RABGAP1L: variants seen among roughly 807,000 people sequenced by gnomAD.
RABGAP1L encodes the protein RAB GTPase activating protein 1 like.
A neutral mutation model predicts 137.7 loss-of-function variants in RABGAP1L; 63 were observed. The ratio of observed to expected loss-of-function variants is 0.46; its 90% CI spans 0.37 to 0.56. The LOEUF is 0.56. Among genes scored for constraint, RABGAP1L ranks in the 20% least tolerant of loss-of-function variants. The pLI is 0.00. For missense variants in RABGAP1L, 1,095 were observed against 1,244.0 expected (o/e 0.88, Z 1.80); for synonymous variants, 431 against 433.7 (o/e 0.99, Z 0.08).
intron 19 of RABGAP1L, among the ~76,000 whole-genome samples, chr1:174,868,029 G>A (rs1167191545): frequency 6.6e-6 from 1 of 151,834 alleles, no homozygotes; most frequent in African/African-American, 2.4e-5. Context: ...GCAGTGGCAC[G>A]ATCTCTGCTC....
chr1:174,857,443 C>G (rs1293851440), intron 19 of RABGAP1L, among the ~76,000 whole-genome samples: 1 of 151,968 alleles, frequency 6.6e-6, no homozygotes, highest in Non-Finnish European at 1.5e-5. Flanking sequence ...TTTCATTTCC[C>G]CAGCTGTAAA....
At chr1:174,333,321 A>G (rs1358770041) in intron 11 of RABGAP1L, among the ~76,000 whole-genome samples, 1 of 152,198 alleles carries the variant, frequency 6.6e-6, no homozygotes, top group Non-Finnish European at 1.5e-5. Flanking sequence ...AGGATTTTGA[A>G]TGCTTTCCCA....
At chr1:174,357,118 TCAC>T (rs1173963411) in intron 11 of RABGAP1L, among the ~76,000 whole-genome samples, 2 of 152,130 alleles carry the variant, frequency 1.3e-5, no homozygotes, top group African/African-American at 4.8e-5. Flanking sequence ...AAAGGAGACT[TCAC>T]CAAATTCTGC....
intron 1 of RABGAP1L, among the ~76,000 whole-genome samples, chr1:174,170,977 A>G (rs1295088538): frequency 6.6e-6 from 1 of 152,242 alleles, no homozygotes; most frequent in African/African-American, 2.4e-5. Flanking sequence ...AGTTGAACAG[A>G]TGAATATTTG....
intron 17 of RABGAP1L, among the ~76,000 whole-genome samples, chr1:174,727,881 G>T (rs2148612392): frequency 6.6e-6 from 1 of 152,154 alleles, no homozygotes; most frequent in South Asian, 2.1e-4. Flanking sequence ...TCTTTTTTGG[G>T]TAATCTCATG....
At chr1:174,350,022 C>T (rs1682962627) in intron 11 of RABGAP1L, among the ~76,000 whole-genome samples, 1 of 120,410 alleles carries the variant, frequency 8.3e-6, no homozygotes, top group Admixed American at 7.6e-5. Context: ...TCCTCACTTC[C>T]CAGTAGGGGC....
At chr1:174,305,732 T>TC (rs1461930027) in intron 11 of RABGAP1L, among the ~76,000 whole-genome samples, 4 of 151,966 alleles carry the variant, frequency 2.6e-5, no homozygotes, top group African/African-American at 9.6e-5. Context: ...GCCTTTTTTT[T>TC]CTATTTTATT....
At chr1:174,608,782 A>G (rs1670971341) in intron 13 of RABGAP1L, among the ~76,000 whole-genome samples, 1 of 152,152 alleles carries the variant, frequency 6.6e-6, no homozygotes, top group African/African-American at 2.4e-5. Context: ...AAAGTACTGT[A>G]CAGACTGATT....
chr1:174,336,906 A>AGG (rs1232659589), intron 11 of RABGAP1L, among the ~76,000 whole-genome samples: 1 of 150,776 alleles, frequency 6.6e-6, no homozygotes, highest in African/African-American at 2.4e-5. Context: ...AGAAAGAGAG[A>AGG]GAAAGAATGG....
rs535511028 is a variant in RABGAP1L at position 174,568,283 on chromosome 1, C to G, written c.1711-69092C>G. On this transcript the variant is annotated intron_variant, in intron 13 of 25. Coordinates refer to ENST00000681986, the MANE Select transcript of RABGAP1L (RefSeq NM_001366446.1). Reference sequence around the variant, plus strand: ...CTAAGCCATTTATGAGGGTCTGCCCCCCATGACCCAGTACCTCCCACTAGG... The same window carrying G: ...CTAAGCCATTTATGAGGGTCTGCCCGCCATGACCCAGTACCTCCCACTAGG... Among the ~76,000 whole-genome samples the G allele has an allele frequency of 2.8e-4, 43 of 152,256 alleles. No homozygotes were observed. In the East Asian group the frequency reaches 6.0e-3, roughly 21 times the overall value.
At chr1:174,807,948 A>AAACAACAACAAC (rs10645289) in intron 18 of RABGAP1L, among the ~76,000 whole-genome samples, 2 of 141,118 alleles carry the variant, frequency 1.4e-5, no homozygotes, top group African/African-American at 5.2e-5. Flanking sequence ...AAACAAAACA[A>AAACAACAACAAC]AACAACAACA....
At chr1:174,202,051 T>A (rs1406453613) in intron 1 of RABGAP1L, among the ~76,000 whole-genome samples, 1 of 152,076 alleles carries the variant, frequency 6.6e-6, no homozygotes, top group Non-Finnish European at 1.5e-5. Flanking sequence ...AGTCTATCAT[T>A]GTTGGACATT....
rs751992977 is a variant in RABGAP1L at position 174,394,124 on chromosome 1, A to G, written c.1689A>G (p.Arg563=). 2 of 1,613,408 alleles carry G rather than the reference A, an allele frequency of 1.2e-6. No homozygotes were observed. The highest frequency in any genetic ancestry group is 1.3e-5 in the African/African-American group (1 of 74,994). The change falls in exon 13 of 26, where the codon AGA becomes AGG. Residue 563 remains arginine, a synonymous_variant. Coordinates refer to ENST00000681986, the MANE Select transcript of RABGAP1L (RefSeq NM_001366446.1). The part of the protein sequence containing the change: ...GCHDNQAMLD[R]YRILITKDSA... ...ATGACAACCAGGCAATGCTGGATAG[A>G]TACCGAATTCTTATCACAAAGGTAG...
chr1:174,964,783 A>G, intron 20 of RABGAP1L: 1 of 1,360,296 alleles, frequency 7.4e-7, no homozygotes, highest in South Asian at 1.6e-5. Flanking sequence ...TCTTTGTTCC[A>G]TTGAATGTTT....
chr1:174,878,925 GTTTTTTTTTTTTTTT>G (rs869251284), intron 19 of RABGAP1L, among the ~76,000 whole-genome samples: 1 of 85,184 alleles, frequency 1.2e-5, no homozygotes, highest in South Asian at 3.6e-4. Context: ...TTTGTGCATT[GTTTTTTTTTTTTTTT>G]TTTTTTTTTT....
rs374138086 is a variant in RABGAP1L, at chr1:174,308,603, A to G, written c.1465+3476A>G. Among the ~76,000 whole-genome samples, 133 of 152,162 alleles carry G rather than the reference A, an allele frequency of 8.7e-4. 3 individuals carry two copies. The South Asian group carries it at 0.014, about 16-fold the overall frequency. ...ATTCTTCTGCATGTTGTGGATATCC[A>G]GTTTTTCCAAAACCATTTATTTGAA... On this transcript the variant is annotated intron_variant, in intron 11 of 25. Transcript: ENST00000681986.
chr1:174,833,470 TA>T (rs1207449985), intron 19 of RABGAP1L, among the ~76,000 whole-genome samples: 1 of 21,788 alleles, frequency 4.6e-5, no homozygotes, highest in African/African-American at 6.4e-5. Flanking sequence ...ATATATATAG[TA>T]GAGACAGGGT....
chr1:174,554,665 G>C (rs2147997436), intron 13 of RABGAP1L, among the ~76,000 whole-genome samples: 1 of 152,096 alleles, frequency 6.6e-6, no homozygotes, highest in Admixed American at 6.5e-5. Flanking sequence ...CTCAATTTTA[G>C]GCAAAGCACA....
At position 174,403,772 on chromosome 1, in the gene RABGAP1L, G is replaced by A. The variant is rs997996885; in HGVS notation, c.1710+9627G>A. On this transcript the variant is annotated intron_variant, in intron 13 of 25. Coordinates refer to ENST00000681986, the MANE Select transcript of RABGAP1L (RefSeq NM_001366446.1). ...ATAATAGCTGATTATACTGAAATAC[G>A]AAGTGTCAGATTTGTATTTTTCTGG... Among the ~76,000 whole-genome samples, 4 of 150,916 alleles carry A rather than the reference G, an allele frequency of 2.7e-5. 1 individual carries two copies. Among genetic ancestry groups the A allele is most frequent in the South Asian group, 4.2e-4 (2 of 4,806 alleles).
Sources: allele counts gnomAD v4.1 joint callset (sites outside exome capture counted in the v4.1 genomes callset), GRCh38; gene constraint gnomAD v4.1.1; transcripts MANE v1.5; gene names NCBI Gene and HGNC (gene_info 2026-07-23, HGNC 2026-07-21).